The following PEAK1 variants were observed in gnomAD, a reference collection of about 807,000 sequenced individuals.
PEAK1 encodes the protein inactive tyrosine-protein kinase PEAK1.
In PEAK1, 54 loss-of-function variants were observed where a neutral mutation model predicts 124.7. The observed-to-expected ratio is 0.43, with a 90% CI of 0.35 to 0.54. The LOEUF (loss-of-function observed/expected upper bound fraction) is 0.54, where lower values mean the gene tolerates loss of function less well. Ranked by LOEUF, PEAK1 falls within the 20% of genes least tolerant of loss-of-function variation. PEAK1 has a pLI of 0.01. For synonymous variants in PEAK1, 719 were observed against 760.0 expected, an observed-to-expected ratio of 0.95 and a Z score of 0.89; for missense variants, 2,046 against 2,134.5, an observed-to-expected ratio of 0.96 and a Z score of 0.82.
intron 6 of PEAK1, among the ~76,000 whole-genome samples, chr15:77,234,007 A>G (rs1035889120): frequency 6.6e-6 from 1 of 152,148 alleles, no homozygotes. Context: ...CCATGACTAC[A>G]GGTGGGTGTC....
intron 1 of PEAK1, among the ~76,000 whole-genome samples, chr15:77,370,329 A>C (rs1405983815): frequency 6.6e-6 from 1 of 152,174 alleles, no homozygotes; most frequent in Non-Finnish European, 1.5e-5. Context: ...GGTACACACA[A>C]AAAAGTTTTA....
chr15:77,234,997 T>C (rs1026079865), intron 6 of PEAK1, among the ~76,000 whole-genome samples: 21 of 152,020 alleles, frequency 1.4e-4, no homozygotes, highest in Admixed American at 4.6e-4. Context: ...GGCGTTGCCC[T>C]TGCTTGCACT....
Position 77,181,371 on chromosome 15 carries a change from G to A in PEAK1, c.556C>T (p.Arg186Ter), listed in dbSNP as rs377274902. The change falls in exon 7 of 10, where the codon CGA (arginine) becomes TGA (stop). Residue 186 changes from arginine to a stop codon, truncating the protein, a stop_gained. Transcript: ENST00000682557. LOFTEE classifies it high-confidence loss of function. ...GGTGGAAGCTTTCTTTCCAATGATC[G>A]TTTATAGCAATCATTTATTCTTCCC... is the stretch of plus-strand genomic sequence containing the variant. Reference protein sequence around the residue: ...FLGRINDCYKRSLERKLPPSC... With the variant: ...FLGRINDCYK 2.5e-6 allele frequency: 4 copies of A among 1,613,850 alleles called. No homozygotes were observed. The highest frequency in any genetic ancestry group is 2.7e-5 in the African/African-American group (2 of 74,876).
At chr15:77,162,971 T>TA (rs1445637234) in intron 7 of PEAK1, among the ~76,000 whole-genome samples, 2 of 152,204 alleles carry the variant, frequency 1.3e-5, no homozygotes, top group African/African-American at 2.4e-5. Context: ...ACAAAATTGT[T>TA]AAGTGACAAA....
intron 9 of PEAK1, among the ~76,000 whole-genome samples, chr15:77,116,348 C>T (rs750520632): frequency 6.6e-6 from 1 of 152,194 alleles, no homozygotes; most frequent in Admixed American, 6.5e-5. Context: ...CAGAGGCACA[C>T]TGCCACATTA....
At position 77,255,356 on chromosome 15, in the gene PEAK1, A is replaced by G. The variant is rs942358953; in HGVS notation, c.-274-2830T>C. ...CTGTTTGGGTTCTGACTCTCCATTT[A>G]TTCCAAGCTTCTGCCGGTACCAATC... On this transcript the variant is annotated intron_variant, in intron 5 of 9. Coordinates refer to ENST00000682557, the MANE Select transcript of PEAK1 (RefSeq NM_001385026.1). 1.1e-5 allele frequency: 11 copies of G among 981,340 alleles called. No homozygotes were observed. In the African/African-American group the frequency reaches 1.7e-4, roughly 16 times the overall value. 60.8% of individuals were successfully genotyped at this position (981,340 alleles called of 1,614,324 possible). A position where few individuals can be genotyped will look rare whatever the true frequency, so the allele number is the denominator to read the frequency against.
chr15:77,419,311 G>C, intron 1 of PEAK1: 2 of 985,018 alleles, frequency 2.0e-6, no homozygotes, highest in African/African-American at 1.8e-5. Flanking sequence ...GAGAGGGGAG[G>C]GGGCAGACGC....
chr15:77,146,690 T>C (rs906944885), intron 8 of PEAK1, among the ~76,000 whole-genome samples: 6 of 152,266 alleles, frequency 3.9e-5, no homozygotes, highest in Non-Finnish European at 7.3e-5. Context: ...CCTCAGTTTT[T>C]TATTTTTTAA....
intron 1 of PEAK1, among the ~76,000 whole-genome samples, chr15:77,400,187 A>G (rs1233151265): frequency 6.6e-6 from 1 of 152,130 alleles, no homozygotes; most frequent in Non-Finnish European, 1.5e-5. Context: ...AGAAAAGGGA[A>G]CCCATGCACA....
chr15:77,385,065 G>C (rs1043315882), intron 1 of PEAK1, among the ~76,000 whole-genome samples: 1 of 152,102 alleles, frequency 6.6e-6, no homozygotes, highest in African/African-American at 2.4e-5. Context: ...CCATGTATAA[G>C]ATACTTTCCT....
chr15:77,162,362 C>T (rs1346889265), intron 7 of PEAK1, among the ~76,000 whole-genome samples: 6 of 151,484 alleles, frequency 4.0e-5, no homozygotes, highest in Admixed American at 3.3e-4. Context: ...GGCGTGGTGG[C>T]GGGTGCCTGT....
rs1317586149 is a variant in PEAK1 at position 77,182,488 on chromosome 15, C to CT, written c.-114-449dup. On this transcript the variant is annotated intron_variant, in intron 6 of 9. Coordinates refer to ENST00000682557, the MANE Select transcript of PEAK1 (RefSeq NM_001385026.1). ...CGGGGCTGGGTGCAGTGGCTCATGC[C>CT]TGTAATCTCAGCATGTTGGGAGGCA... Among the ~76,000 whole-genome samples the CT allele has an allele frequency of 2.6e-5, 4 of 152,094 alleles. No individual in the cohort carries two copies. In the East Asian group the frequency reaches 7.7e-4, roughly 29 times the overall value.
At position 77,262,835 on chromosome 15, in the gene PEAK1, T is replaced by C. The variant is rs541640304; in HGVS notation, c.-274-10309A>G. Among the ~76,000 whole-genome samples the C allele has an allele frequency of 9.2e-3, 1,406 of 152,130 alleles. 25 individuals are homozygous for C. Among genetic ancestry groups the C allele is most frequent in the African/African-American group, 0.032 (1,308 of 41,450 alleles). On this transcript the variant is annotated intron_variant, in intron 5 of 9. Coordinates refer to ENST00000682557, the MANE Select transcript of PEAK1 (RefSeq NM_001385026.1). ...GCACCACACCACACCTATTCCAAAATTGACCACATAGTTGGAAGTAAAGCA... is the reference window on the plus strand; with the variant it reads ...GCACCACACCACACCTATTCCAAAACTGACCACATAGTTGGAAGTAAAGCA...
intron 1 of PEAK1, among the ~76,000 whole-genome samples, chr15:77,387,379 T>C (rs974783260): frequency 6.6e-6 from 1 of 152,228 alleles, no homozygotes; most frequent in East Asian, 1.9e-4. Context: ...TCCCTCATAC[T>C]AGGTTACAAA....
rs1318835032 is a variant in PEAK1, at chr15:77,108,190, C to G, written c.*5966G>C. On this transcript the variant is annotated 3_prime_UTR_variant, in exon 10 of 10. Coordinates refer to ENST00000682557, the MANE Select transcript of PEAK1 (RefSeq NM_001385026.1). ...GTGTGTATTAAAATGAATTTATTTA[C>G]ACAGTAACATGATGCCACGGAGTAC... 6.6e-6 allele frequency: 1 copy of G among 152,214 alleles called. No individual in the cohort carries two copies. Among genetic ancestry groups the G allele is most frequent in the Non-Finnish European group, 1.5e-5 (1 of 68,038 alleles). The allele number at this position is 152,214 out of a possible 1,614,324, so 9.4% of individuals were successfully genotyped here. A position where few individuals can be genotyped will look rare whatever the true frequency, so the allele number is the denominator to read the frequency against.
intron 6 of PEAK1, among the ~76,000 whole-genome samples, chr15:77,226,374 T>C (rs1280112978): frequency 2.0e-5 from 3 of 151,840 alleles, no homozygotes; most frequent in Non-Finnish European, 4.4e-5. Flanking sequence ...TATTCATATG[T>C]TTCACTGACA....
At chr15:77,165,854 C>T (rs2056056015) in intron 7 of PEAK1, among the ~76,000 whole-genome samples, 1 of 152,062 alleles carries the variant, frequency 6.6e-6, no homozygotes, top group Non-Finnish European at 1.5e-5. Context: ...AAATCAATTG[C>T]CTAAAATTAC....
intron 1 of PEAK1, among the ~76,000 whole-genome samples, chr15:77,385,347 T>C (rs2069839845): frequency 6.6e-6 from 1 of 152,234 alleles, no homozygotes. Context: ...ACAATTGTTT[T>C]ATTTTCAATG....
At chr15:77,123,999 A>T (rs1383654507) in intron 9 of PEAK1, among the ~76,000 whole-genome samples, 1 of 152,264 alleles carries the variant, frequency 6.6e-6, no homozygotes, top group Non-Finnish European at 1.5e-5. Flanking sequence ...TTATTTAAAA[A>T]GTAGGCTGTG....
Sources: allele counts gnomAD v4.1 joint callset (sites outside exome capture counted in the v4.1 genomes callset), GRCh38; gene constraint gnomAD v4.1.1; transcripts MANE v1.5; gene names NCBI Gene and HGNC (gene_info 2026-07-23, HGNC 2026-07-21).